RHBDD1: variants seen among roughly 807,000 people sequenced by gnomAD.
RHBDD1 encodes rhomboid-related protein 4.
RHBDD1 carries 38 observed loss-of-function variants against 36.3 expected under a neutral mutation model. The ratio of observed to expected loss-of-function variants is 1.05; its 90% CI spans 0.81 to 1.37. RHBDD1 has a LOEUF of 1.37. Among genes scored for constraint, RHBDD1 ranks in the 40% most tolerant of loss-of-function variants. The pLI, the probability that RHBDD1 is intolerant of heterozygous loss-of-function variation, is 0.00. For synonymous variants in RHBDD1, 151 were observed against 136.5 expected, an observed-to-expected ratio of 1.11 and a Z score of -0.74; for missense variants, 393 against 377.6, an observed-to-expected ratio of 1.04 and a Z score of -0.34.
chr2:226,943,875 T>C (rs1215500260), intron 8 of RHBDD1, among the ~76,000 whole-genome samples: 1 of 152,214 alleles, frequency 6.6e-6, no homozygotes, highest in Non-Finnish European at 1.5e-5. Flanking sequence ...TCATTGTTAT[T>C]TTAAAGTTTT....
intron 6 of RHBDD1, chr2:226,908,244 A>T (rs1376196798): frequency 2.0e-5 from 3 of 152,168 alleles, no homozygotes; most frequent in African/African-American, 7.2e-5. Flanking sequence ...CAGGAACCCC[A>T]TGGAAAACGA....
chr2:226,895,619 T>C, intron 5 of RHBDD1: 3 of 966,854 alleles, frequency 3.1e-6, no homozygotes, highest in Non-Finnish European at 3.7e-6. Flanking sequence ...GTGATTTCAC[T>C]TACCTTTGCT....
chr2:226,825,920 C>T, the RHBDD1 span, among the ~76,000 whole-genome samples: 33 of 143,220 alleles, frequency 2.3e-4, no homozygotes, highest in African/African-American at 7.7e-4. Context: ...AAGAAAATAA[C>T]AGTTATCGGG....
intron 8 of RHBDD1, among the ~76,000 whole-genome samples, chr2:226,991,212 C>T (rs1046578303): frequency 4.6e-5 from 7 of 152,194 alleles, no homozygotes; most frequent in Non-Finnish European, 8.8e-5. Context: ...GACAGAGTCT[C>T]ACTCTGTTGC....
In RHBDD1 at chr2:226,849,671, T is replaced by C. The variant is rs978324307; in HGVS notation, c.-91+10044T>C. The stretch of plus-strand genomic sequence containing the variant: ...GCAACGACAGAGAGTCAAGGCAGAC[T>C]CCCTTGCCCTGTGGGCATAACACTG... On this transcript the variant is annotated intron_variant, in intron 3 of 8. Coordinates refer to ENST00000392062, the MANE Select transcript of RHBDD1 (RefSeq NM_001167608.3). Among the ~76,000 whole-genome samples the C allele has an allele frequency of 3.7e-4, 57 of 152,248 alleles. 1 individual carries two copies. The highest frequency in any genetic ancestry group is 8.8e-5 in the Non-Finnish European group (6 of 68,044).
chr2:226,926,833 T>C (rs1202458396), intron 8 of RHBDD1, among the ~76,000 whole-genome samples: 1 of 152,190 alleles, frequency 6.6e-6, no homozygotes, highest in Non-Finnish European at 1.5e-5. Context: ...TTTCAAGTAA[T>C]GGTTTTTGTA....
intron 8 of RHBDD1, among the ~76,000 whole-genome samples, chr2:226,946,460 G>A (rs1429512302): frequency 3.9e-5 from 6 of 152,032 alleles, no homozygotes; most frequent in Admixed American, 1.3e-4. Context: ...TTGTAGTGTA[G>A]TTTGAAGTCA....
At chr2:226,910,308 C>T (rs915986168) in intron 7 of RHBDD1, among the ~76,000 whole-genome samples, 6 of 152,182 alleles carry the variant, frequency 3.9e-5, no homozygotes, top group Non-Finnish European at 7.3e-5. Flanking sequence ...CCTCTTTTAA[C>T]CTCTGTAAAA....
At chr2:226,811,244 G>T in the RHBDD1 span, among the ~76,000 whole-genome samples, 1 of 152,098 alleles carries the variant, frequency 6.6e-6, no homozygotes, top group Non-Finnish European at 1.5e-5. Flanking sequence ...CAAGGAAGGG[G>T]AACTACCAAA....
intron 8 of RHBDD1, among the ~76,000 whole-genome samples, chr2:226,987,330 C>T (rs1295588532): frequency 6.6e-6 from 1 of 151,730 alleles, no homozygotes; most frequent in Non-Finnish European, 1.5e-5. Context: ...TATCCCAGAA[C>T]TTAAAGTATA....
chr2:226,939,285 C>G (rs767270718), intron 8 of RHBDD1, among the ~76,000 whole-genome samples: 1 of 152,046 alleles, frequency 6.6e-6, no homozygotes, highest in Non-Finnish European at 1.5e-5. Context: ...CCAGGGCAAT[C>G]GAACAAGAGA....
At chr2:226,896,504 C>T (rs1474922172) in intron 5 of RHBDD1, among the ~76,000 whole-genome samples, 2 of 152,168 alleles carry the variant, frequency 1.3e-5, no homozygotes, top group Non-Finnish European at 2.9e-5. Context: ...TAATCCACTG[C>T]CACCACCTCC....
intron 3 of RHBDD1, among the ~76,000 whole-genome samples, chr2:226,854,984 G>C (rs1943184704): frequency 6.6e-6 from 1 of 152,180 alleles, no homozygotes; most frequent in Non-Finnish European, 1.5e-5. Flanking sequence ...TATCTGTCTA[G>C]AACATTCTTC....
At chr2:226,959,216 G>C (rs1299891920) in intron 8 of RHBDD1, among the ~76,000 whole-genome samples, 1 of 152,072 alleles carries the variant, frequency 6.6e-6, no homozygotes, top group Non-Finnish European at 1.5e-5. Flanking sequence ...CAAGTGAGAT[G>C]GTGTTTAAGA....
chr2:226,990,570 G>A (rs1365645895), intron 8 of RHBDD1, among the ~76,000 whole-genome samples: 1 of 152,086 alleles, frequency 6.6e-6, no homozygotes, highest in African/African-American at 2.4e-5. Flanking sequence ...CGAACGGTAG[G>A]GAAAATGGCC....
intron 5 of RHBDD1, chr2:226,867,630 G>T (rs1361659233): frequency 1.0e-6 from 1 of 985,146 alleles, no homozygotes; most frequent in African/African-American, 1.7e-5. Flanking sequence ...AATTCTGAAA[G>T]CAAGATTCCA....
At chr2:226,919,109 G>T (rs192294110) in intron 8 of RHBDD1, among the ~76,000 whole-genome samples, 133 of 152,110 alleles carry the variant, frequency 8.7e-4, no homozygotes, top group African/African-American at 3.2e-3. Context: ...CCATTTGTAT[G>T]CCTTCTTTTG....
At chr2:226,982,513 A>T (rs1956004348) in intron 8 of RHBDD1, among the ~76,000 whole-genome samples, 1 of 152,260 alleles carries the variant, frequency 6.6e-6, no homozygotes. Context: ...CAATAGATGT[A>T]ATACATCTCA....
chr2:226,892,998 A>G (rs541490103), intron 5 of RHBDD1, among the ~76,000 whole-genome samples: 61 of 152,346 alleles, frequency 4.0e-4, no homozygotes, highest in African/African-American at 1.3e-3. Flanking sequence ...GAACCTGGGA[A>G]GGGCAGTGCA....
Sources: allele counts gnomAD v4.1 joint callset (sites outside exome capture counted in the v4.1 genomes callset), GRCh38; gene constraint gnomAD v4.1.1; transcripts MANE v1.5; gene names NCBI Gene and HGNC (gene_info 2026-07-23, HGNC 2026-07-21).